Variants in TDRD7 observed in about 807,000 individuals in gnomAD.
TDRD7 encodes the protein tudor domain-containing protein 7.
A neutral mutation model predicts 109.8 loss-of-function variants in TDRD7; 47 were observed. The observed-to-expected ratio is 0.43, with a 90% CI of 0.34 to 0.55. TDRD7 has a LOEUF of 0.55. TDRD7 is among the 20% of genes least tolerant of loss of function. TDRD7 has a pLI of 0.03. For synonymous variants in TDRD7, 424 were observed against 457.3 expected (o/e 0.93, Z 0.93); for missense variants, 1,164 against 1,319.2 (o/e 0.88, Z 1.82).
At position 97,495,771 on chromosome 9, in the gene TDRD7, C is replaced by G. The variant is rs368390334; in HGVS notation, c.3185C>G (p.Pro1062Arg). ...CAGACAGTCATTGAAAATGCTAACC[C>G]TTGGGACCGGAAAGTAGTGGTCTAC... ...LVQTVIENAN[P>R]WDRKVVVYLV... Residue 1062 changes from proline to arginine, a missense_variant, in exon 17 of 17, where the codon CCT (proline) becomes CGT (arginine). By Grantham distance (103) the Pro-to-Arg change is moderately radical (BLOSUM62 -2). This residue lies in a region of TDRD7 where 162 missense variants were observed against 222.5 expected (regional missense o/e 0.73). Transcript: ENST00000355295. The G allele has an allele frequency of 1.4e-5, 22 of 1,614,046 alleles. No individual in the cohort carries two copies. Among genetic ancestry groups the G allele is most frequent in the Non-Finnish European group, 1.8e-5 (21 of 1,180,030 alleles).
intron 1 of TDRD7, among the ~76,000 whole-genome samples, chr9:97,415,783 A>G (rs1040944303): frequency 1.3e-5 from 2 of 152,166 alleles, no homozygotes; most frequent in African/African-American, 4.8e-5. Flanking sequence ...CCTATGATAT[A>G]CTTTCTTTTA....
Position 97,412,669 on chromosome 9 carries a change from C to G in TDRD7, c.-7+431C>G, listed in dbSNP as rs537088337. Among the ~76,000 whole-genome samples, 2 of 152,334 alleles carry G rather than the reference C, an allele frequency of 1.3e-5. No individual in the cohort carries two copies. The highest frequency in any genetic ancestry group is 6.5e-5 in the Admixed American group (1 of 15,312). ...CCCCAGCGAGGGATGTCCGCGCTCC[C>G]CTATTTGAACCCAAGTATTTTACAC... On this transcript the variant is annotated intron_variant, in intron 1 of 16. Coordinates refer to ENST00000355295, the MANE Select transcript of TDRD7 (RefSeq NM_014290.3). This position sits in a 1 kb window ranked among gnomAD's most constrained non-coding sequence, Gnocchi z 4.3.
chr9:97,432,014 T>A lies in TDRD7; in HGVS notation c.350-11T>A. ...GCTAATTGATTTCGTTATGTATGCC[T>A]AACTTCATAGGAAAACCAAAAGCAA... On this transcript the variant is annotated splice_polypyrimidine_tract_variant and intron_variant, in intron 3 of 16. Transcript: ENST00000355295. The A allele has an allele frequency of 6.2e-7, 1 of 1,613,428 alleles. No homozygotes were observed. The highest frequency in any genetic ancestry group is 8.5e-7 in the Non-Finnish European group (1 of 1,179,510).
At chr9:97,454,307 C>A (rs1241602457) in intron 6 of TDRD7, among the ~76,000 whole-genome samples, 3 of 152,090 alleles carry the variant, frequency 2.0e-5, no homozygotes, top group African/African-American at 4.8e-5. Flanking sequence ...GGTGAAACCC[C>A]ATCTCTACTA....
intron 1 of TDRD7, among the ~76,000 whole-genome samples, chr9:97,421,504 C>A (rs1296605768): frequency 6.6e-6 from 1 of 152,198 alleles, no homozygotes; most frequent in Admixed American, 6.5e-5. Flanking sequence ...ATGAAAATAT[C>A]TTCTCACAAT....
chr9:97,426,185 C>T lies in TDRD7; in HGVS notation c.-6-2275C>T, dbSNP rs7037695. On this transcript the variant is annotated intron_variant, in intron 1 of 16. Coordinates refer to ENST00000355295, the MANE Select transcript of TDRD7 (RefSeq NM_014290.3). The stretch of plus-strand genomic sequence containing the variant: ...TGTGAAGGCCTAGGACATTACTGTA[C>T]ACTACTGTAGACTTATAAACACTGT... Among the ~76,000 whole-genome samples, 320 of 152,256 alleles carry T rather than the reference C, an allele frequency of 2.1e-3. 1 individual carries two copies. Among genetic ancestry groups the T allele is most frequent in the Non-Finnish European group, 4.0e-3 (272 of 68,016 alleles).
In TDRD7 at chr9:97,470,537, TTC is replaced by T; in HGVS notation, c.1630-19_1630-18del. 6.3e-7 allele frequency: 1 copy of T among 1,587,438 alleles called. No homozygotes were observed. The highest frequency in any genetic ancestry group is 1.9e-4 in the Middle Eastern group (1 of 5,374). On this transcript the variant is annotated intron_variant, in intron 8 of 16. Transcript: ENST00000355295. ...TAAAGAGAGGATAAAGAACTAAACATTCTGTGTTTTTAATCATTAGGTATGCT... is the reference window on the plus strand; with the variant it reads ...TAAAGAGAGGATAAAGAACTAAACATTGTGTTTTTAATCATTAGGTATGCT...
intron 1 of TDRD7, among the ~76,000 whole-genome samples, chr9:97,424,676 A>G (rs1008237279): frequency 6.6e-6 from 1 of 152,112 alleles, no homozygotes; most frequent in Admixed American, 6.5e-5. Flanking sequence ...ATGCATTCAT[A>G]TTTAAAGTGG....
At chr9:97,477,854 C>T (rs1232529640) in intron 12 of TDRD7, among the ~76,000 whole-genome samples, 10 of 152,012 alleles carry the variant, frequency 6.6e-5, no homozygotes, top group African/African-American at 2.2e-4. Flanking sequence ...TAATAAATCA[C>T]GTCCTAGAAT....
chr9:97,441,669 C>A lies in TDRD7; in HGVS notation c.649C>A (p.Gln217Lys). 6.2e-7 allele frequency: 1 copy of A among 1,608,466 alleles called. No individual in the cohort carries two copies. Among genetic ancestry groups the A allele is most frequent in the Non-Finnish European group, 8.5e-7 (1 of 1,177,432 alleles). ...TTTTTAATTTAAAGATAATTTAAATCAGACTGTTGAAAAACCCAATGTCAA... is the reference window on the plus strand; with the variant it reads ...TTTTTAATTTAAAGATAATTTAAATAAGACTGTTGAAAAACCCAATGTCAA... The part of the protein sequence containing the change: ...STKEMSDNLN[Q>K]TVEKPNVKPP... Residue 217 changes from glutamine to lysine, a missense_variant, in exon 6 of 17, where the codon CAG (glutamine) becomes AAG (lysine). Coordinates refer to ENST00000355295, the MANE Select transcript of TDRD7 (RefSeq NM_014290.3).
At chr9:97,425,894 G>A (rs1379580018) in intron 1 of TDRD7, among the ~76,000 whole-genome samples, 1 of 152,182 alleles carries the variant, frequency 6.6e-6, no homozygotes, top group East Asian at 1.9e-4. Context: ...ACACAACTGA[G>A]CTATGTGGTA....
At chr9:97,491,976 T>C (rs1405650870) in intron 16 of TDRD7, among the ~76,000 whole-genome samples, 2 of 152,166 alleles carry the variant, frequency 1.3e-5, no homozygotes, top group Non-Finnish European at 2.9e-5. Flanking sequence ...CTCAGACTTA[T>C]TTACATGTAC....
chr9:97,444,185 C>T (rs1398069722), intron 6 of TDRD7, among the ~76,000 whole-genome samples: 3 of 152,034 alleles, frequency 2.0e-5, no homozygotes, highest in African/African-American at 4.8e-5. Flanking sequence ...TCTTTTATTG[C>T]GTTATTATAT....
chr9:97,462,243 C>T (rs75363422), intron 7 of TDRD7, among the ~76,000 whole-genome samples: 1 of 152,162 alleles, frequency 6.6e-6, no homozygotes, highest in Non-Finnish European at 1.5e-5. Flanking sequence ...GACCAAGCAC[C>T]GGGCCAGACC....
chr9:97,439,455 G>A (rs907867189), intron 5 of TDRD7, 137 bp downstream of exon 5: 7 of 744,598 alleles, frequency 9.4e-6, no homozygotes, highest in African/African-American at 1.8e-5. Context: ...TAATTGCTTT[G>A]CATCATGAAT....
intron 4 of TDRD7, among the ~76,000 whole-genome samples, chr9:97,437,200 A>C (rs1828217272): frequency 6.6e-6 from 1 of 152,214 alleles, no homozygotes; most frequent in South Asian, 2.1e-4. Flanking sequence ...AGACACGGTC[A>C]AGCTGGGTCC....
intron 6 of TDRD7, among the ~76,000 whole-genome samples, chr9:97,452,094 A>T (rs183593417): frequency 2.5e-4 from 38 of 152,294 alleles, no homozygotes; most frequent in African/African-American, 8.4e-4. Context: ...CATGCTTGTA[A>T]TCCCAACTCC....
intron 7 of TDRD7, among the ~76,000 whole-genome samples, chr9:97,463,383 T>G (rs902637898): frequency 3.3e-5 from 5 of 151,312 alleles, no homozygotes; most frequent in Non-Finnish European, 7.4e-5. Flanking sequence ...GAGTTTTGTT[T>G]TTTTTTTTTT....
intron 14 of TDRD7, among the ~76,000 whole-genome samples, chr9:97,481,750 A>G (rs1170711843): frequency 5.3e-5 from 8 of 152,234 alleles, no homozygotes; most frequent in Non-Finnish European, 1.0e-4. Context: ...TAAAGCCAGA[A>G]TATTGGATGG....
Sources: gnomAD v4.1 joint callset for allele counts (sites outside exome capture counted in the v4.1 genomes callset) on GRCh38, gnomAD v4.1.1 for gene constraint, gnomAD v4.1.1 regional missense constraint, Gnocchi (gnomAD v3.1) non-coding constraint, MANE v1.5 for transcripts, NCBI Gene and HGNC (gene_info 2026-07-23, HGNC 2026-07-21) for gene names.